Variants in PTPN18 observed in about 807,000 individuals in gnomAD.
PTPN18 encodes protein tyrosine phosphatase non-receptor type 18.
PTPN18 carries 65 observed loss-of-function variants against 65.4 expected under a neutral mutation model. The ratio of observed to expected loss-of-function variants is 0.99; its 90% CI spans 0.81 to 1.22. The LOEUF is 1.22. Among genes scored for constraint, PTPN18 ranks in the 50% most tolerant of loss-of-function variants. PTPN18 has a pLI of 0.00. For missense variants in PTPN18, 616 were observed against 646.5 expected, an observed-to-expected ratio of 0.95 and a Z score of 0.51; for synonymous variants, 255 against 267.8, an observed-to-expected ratio of 0.95 and a Z score of 0.47.
At chr2:130,358,832 C>T (rs758321445) in intron 1 of PTPN18, 35 bp from the exon 2 acceptor site, 8 of 1,566,850 alleles carry the variant, frequency 5.1e-6, no homozygotes, top group Admixed American at 1.7e-5. Flanking sequence ...CTCCTGTCTT[C>T]TCCCCTCCCT....
At chr2:130,362,808 A>ATTTTTGTTTTTGTTTTTG (rs982721860) in intron 5 of PTPN18, among the ~76,000 whole-genome samples, 17 of 151,784 alleles carry the variant, frequency 1.1e-4, no homozygotes, top group African/African-American at 3.6e-4. Context: ...CCACAGTAAG[A>ATTTTTGTTTTTGTTTTTG]TTTTTGTTTT....
In PTPN18 at chr2:130,372,393, G is replaced by A; in HGVS notation, c.1150G>A (p.Glu384Lys). ...GACGGGGACGGGGGCGCGCAGCGCG[G>A]AGGAGGCGCCGCTCTACAGCAAGGT... Reference protein sequence around the residue: ...TGTGTGARSAEEAPLYSKVTP... With the variant: ...TGTGTGARSAKEAPLYSKVTP... The change falls in exon 13 of 15, where the codon GAG (glutamate) becomes AAG (lysine). Residue 384 changes from glutamate to lysine, a missense_variant. Physicochemically the swap from Glu to Lys is moderately conservative, Grantham distance 56 (BLOSUM62 1). Transcript: ENST00000175756. 7.3e-7 allele frequency: 1 copy of A among 1,365,802 alleles called. No individual in the cohort carries two copies. Among genetic ancestry groups the A allele is most frequent in the Non-Finnish European group, 9.4e-7 (1 of 1,064,710 alleles). The allele number at this position is 1,365,802 out of a possible 1,614,324, so 84.6% of individuals were successfully genotyped here. A position where few individuals can be genotyped will look rare whatever the true frequency, so the allele number is the denominator to read the frequency against.
At chr2:130,356,266 G>A in intron 1 of PTPN18, 66 bp downstream of exon 1, 1 of 1,162,896 alleles carries the variant, frequency 8.6e-7, no homozygotes, top group Middle Eastern at 2.2e-4. Flanking sequence ...CCTGTCCTCC[G>A]CGCACGGCGG....
At position 130,372,264 on chromosome 2, in the gene PTPN18, T is replaced by C; in HGVS notation, c.1021T>C (p.Ser341Pro). Residue 341 changes from serine (S) to proline (P), a missense_variant, in exon 13 of 15, where the codon TCT becomes CCT. Physicochemically the swap from Ser to Pro is moderately conservative, Grantham distance 74. Around this residue, in one of 3 missense-constraint regions of PTPN18, gnomAD observed 368 missense variants for 386.7 expected, o/e 0.95. Transcript: ENST00000175756. ...RPPGGVLRSISVPGSPGHAMA... is the reference protein window; with the variant it reads ...RPPGGVLRSIPVPGSPGHAMA... ...GGCCCTCCCTGCCTGCAGGAGCATC[T>C]CTGTGCCCGGGTCCCCGGGCCACGC... 6.4e-7 allele frequency: 1 copy of C among 1,572,080 alleles called. No individual in the cohort carries two copies. The highest frequency in any genetic ancestry group is 8.6e-7 in the Non-Finnish European group (1 of 1,167,624).
chr2:130,369,804 A>ACGGTC lies in PTPN18; in HGVS notation c.524_525insGGTCC (p.Leu176ValfsTer72), dbSNP rs773753692. Reference sequence around the variant, plus strand: ...GCTGAATGAGGACATCATGCTCAGGACCCTCAAGGTCACATTCCAGAAGGT... The same window carrying ACGGTC: ...GCTGAATGAGGACATCATGCTCAGGACGGTCCCCTCAAGGTCACATTCCAGAAGGT... On this transcript the variant is annotated frameshift_variant, in exon 7 of 15. Coordinates refer to ENST00000175756, the MANE Select transcript of PTPN18 (RefSeq NM_014369.4). LOFTEE classifies it high-confidence loss of function. The ACGGTC allele has an allele frequency of 6.2e-7, 1 of 1,605,018 alleles. No homozygotes were observed. The highest frequency in any genetic ancestry group is 8.5e-7 in the Non-Finnish European group (1 of 1,172,042).
intron 5 of PTPN18, chr2:130,362,182 C>T: frequency 2.1e-6 from 1 of 469,296 alleles, no homozygotes; most frequent in Non-Finnish European, 4.4e-6. Flanking sequence ...ATAATCCAGG[C>T]TGGTCTCGAA....
At chr2:130,372,779 T>A in intron 13 of PTPN18, 94 bp from the exon 14 acceptor site, 1 of 1,466,092 alleles carries the variant, frequency 6.8e-7, no homozygotes, top group Non-Finnish European at 9.4e-7. Flanking sequence ...GGCTCTCCCC[T>A]TCGGGCCTCC....
At chr2:130,356,883 C>T (rs1208805111) in intron 1 of PTPN18, among the ~76,000 whole-genome samples, 1 of 152,208 alleles carries the variant, frequency 6.6e-6, no homozygotes, top group Non-Finnish European at 1.5e-5. Context: ...GGGCGTTCGT[C>T]ACTGCCTATA....
In PTPN18 at chr2:130,372,290, C is replaced by T. The variant is rs1373126946; in HGVS notation, c.1047C>T (p.Ala349=). The T allele has an allele frequency of 1.3e-6, 2 of 1,561,106 alleles. No individual in the cohort carries two copies. The highest frequency in any genetic ancestry group is 1.7e-6 in the Non-Finnish European group (2 of 1,163,368). ...SISVPGSPGH[A]MADTYAVVQK... ...CTGTGCCCGGGTCCCCGGGCCACGCCATGGCTGACACCTACGCGGTGGTGC... is the reference window on the plus strand; with the variant it reads ...CTGTGCCCGGGTCCCCGGGCCACGCTATGGCTGACACCTACGCGGTGGTGC... Residue 349 remains alanine, a synonymous_variant, in exon 13 of 15, where the codon GCC becomes GCT. Transcript: ENST00000175756.
At position 130,374,747 on chromosome 2, in the gene PTPN18, CT is replaced by C. The variant is rs1680691108; in HGVS notation, c.*1524del. On this transcript the variant is annotated 3_prime_UTR_variant, in exon 15 of 15. Coordinates refer to ENST00000175756, the MANE Select transcript of PTPN18 (RefSeq NM_014369.4). ...AGTGCCCTGGGCCCCATGTCCACCC[CT>C]GTCCTGCCCTTCTCTGGGATAGGGC... is the stretch of plus-strand genomic sequence containing the variant. 4.3e-6 allele frequency: 2 copies of C among 466,824 alleles called. No homozygotes were observed. The highest frequency in any genetic ancestry group is 4.7e-5 in the Admixed American group (2 of 42,288). 28.9% of individuals were successfully genotyped at this position (466,824 alleles called of 1,614,324 possible).
intron 5 of PTPN18, chr2:130,368,922 G>T: frequency 3.9e-6 from 2 of 508,810 alleles, no homozygotes; most frequent in Non-Finnish European, 7.0e-6. Flanking sequence ...ATCCTGGACT[G>T]TATTTCCCCT....
chr2:130,357,200 A>G (rs1164786348), intron 1 of PTPN18, among the ~76,000 whole-genome samples: 2 of 152,164 alleles, frequency 1.3e-5, no homozygotes, highest in Non-Finnish European at 2.9e-5. Flanking sequence ...ACAGAGTGAG[A>G]TCCCATCTCA....
intron 5 of PTPN18, 42 bp from the exon 6 acceptor site, chr2:130,369,091 C>T (rs773529203): frequency 2.6e-6 from 4 of 1,546,906 alleles, no homozygotes; most frequent in Admixed American, 3.5e-5. Flanking sequence ...GAAGCTGACT[C>T]CCTCTTCTCA....
intron 5 of PTPN18, among the ~76,000 whole-genome samples, chr2:130,367,050 AT>A (rs57039741): frequency 0.098 from 10,232 of 103,918 alleles, 478 homozygotes; most frequent in South Asian, 0.17. Context: ...GCTAATTTTA[AT>A]TTTTTTTTTT....
At chr2:130,372,691 T>C in intron 13 of PTPN18, 182 bp from the exon 14 acceptor site, 3 of 958,926 alleles carry the variant, frequency 3.1e-6, no homozygotes, top group Non-Finnish European at 3.0e-6. Flanking sequence ...GCAGGGTTCC[T>C]GGCAATACTT....
chr2:130,370,528 G>A (rs1204544075), intron 8 of PTPN18, 29 bp from the exon 9 acceptor site: 2 of 1,613,916 alleles, frequency 1.2e-6, no homozygotes, highest in East Asian at 2.2e-5. Flanking sequence ...GTCAGGACCT[G>A]ACCAGGCACA....
intron 1 of PTPN18, chr2:130,356,480 A>C: frequency 1.9e-6 from 1 of 517,018 alleles, no homozygotes; most frequent in Non-Finnish European, 3.7e-6. Context: ...CTCCCGGAAC[A>C]ACCTGGCTGC....
chr2:130,360,161 C>T (rs955727812), intron 5 of PTPN18, among the ~76,000 whole-genome samples: 6 of 152,192 alleles, frequency 3.9e-5, no homozygotes, highest in Non-Finnish European at 7.3e-5. Context: ...TCCATTCTCC[C>T]TCCCTTGTCC....
Position 130,372,966 on chromosome 2 carries a change from G to A in PTPN18, c.1315+19G>A, listed in dbSNP as rs1342002377. ...GGGCTAGGTAAGTCAGGTAGAGCCT[G>A]GGTTGCTGGGACTTTGCTGCTTTGA... On this transcript the variant is annotated intron_variant, in intron 14 of 14. Coordinates refer to ENST00000175756, the MANE Select transcript of PTPN18 (RefSeq NM_014369.4). 1 of 1,613,986 alleles carries A rather than the reference G, an allele frequency of 6.2e-7. No homozygotes were observed. The highest frequency in any genetic ancestry group is 1.1e-5 in the South Asian group (1 of 91,080).
Sources: allele counts gnomAD v4.1 joint callset (sites outside exome capture counted in the v4.1 genomes callset), GRCh38; gene constraint gnomAD v4.1.1; regional missense constraint gnomAD v4.1.1; transcripts MANE v1.5; gene names NCBI Gene and HGNC (gene_info 2026-07-23, HGNC 2026-07-21).